Variants in SOBP observed in about 807,000 individuals in gnomAD.
SOBP encodes sine oculis binding protein homolog.
In SOBP, 4 loss-of-function variants were observed where a neutral mutation model predicts 53.6. The observed-to-expected ratio is 0.07, with a 90% confidence interval of 0.04 to 0.17. The LOEUF (loss-of-function observed/expected upper bound fraction) is 0.17. Among genes scored for constraint, SOBP ranks in the 10% least tolerant of loss-of-function variants. The pLI, the probability that SOBP is intolerant of heterozygous loss-of-function variation, is 1.00. For synonymous variants in SOBP, 584 were observed against 522.6 expected (o/e 1.12, Z -1.60); for missense variants, 1,088 against 1,204.7 (o/e 0.90, Z 1.43).
intron 5 of SOBP, among the ~76,000 whole-genome samples, chr6:107,614,723 C>G (rs1786718230): frequency 6.6e-6 from 1 of 152,280 alleles, no homozygotes; most frequent in South Asian, 2.1e-4. Flanking sequence ...ACCCCTGGTG[C>G]CAGTGATCTA....
intron 5 of SOBP, among the ~76,000 whole-genome samples, chr6:107,627,068 A>G (rs1042462826): frequency 5.3e-5 from 8 of 152,190 alleles, no homozygotes; most frequent in South Asian, 2.1e-4. Context: ...TTTTTGATGT[A>G]CGATTGAATT....
At chr6:107,627,229 T>A (rs144818549) in intron 5 of SOBP, among the ~76,000 whole-genome samples, 178 of 152,310 alleles carry the variant, frequency 1.2e-3, no homozygotes, top group African/African-American at 3.9e-3. Context: ...CTGAATCATG[T>A]GTTTGGCTGT....
chr6:107,579,545 G>C (rs1371356904), intron 4 of SOBP, among the ~76,000 whole-genome samples: 1 of 152,174 alleles, frequency 6.6e-6, no homozygotes, highest in Non-Finnish European at 1.5e-5. Context: ...TCATGTGGAA[G>C]CTGTATTTCA....
chr6:107,503,725 T>C lies in SOBP; in HGVS notation c.165T>C (p.Asp55=). 5.0e-6 allele frequency: 8 copies of C among 1,614,160 alleles called. No homozygotes were observed. Among genetic ancestry groups the C allele is most frequent in the Non-Finnish European group, 6.8e-6 (8 of 1,180,006 alleles). Residue 55 remains aspartate, a synonymous_variant, in exon 2 of 7, where the codon GAT becomes GAC. Coordinates refer to ENST00000317357, the MANE Select transcript of SOBP (RefSeq NM_018013.4). ...GCTATGATAAGGTTGAATTAAAAGATGGTGAGGATATTGAATTCAGGAGCT... is the reference window on the plus strand; with the variant it reads ...GCTATGATAAGGTTGAATTAAAAGACGGTGAGGATATTGAATTCAGGAGCT... ...WYGYDKVELK[D]GEDIEFRSYP...
Position 107,660,142 on chromosome 6 carries a change from T to G in SOBP, c.*1939T>G, listed in dbSNP as rs1045086220. 6.6e-6 allele frequency: 1 copy of G among 152,626 alleles called. No individual in the cohort carries two copies. Among genetic ancestry groups the G allele is most frequent in the Non-Finnish European group, 1.5e-5 (1 of 68,044 alleles). The allele number at this position is 152,626 out of a possible 1,614,324, so 9.5% of individuals were successfully genotyped here. On this transcript the variant is annotated 3_prime_UTR_variant, in exon 7 of 7. Transcript: ENST00000317357. ...TAAATCTCGAAGAAAAAAAATGCAC[T>G]TACATGTGCTTATTTGGCTTTTCTC... is the stretch of plus-strand genomic sequence containing the variant.
At chr6:107,503,923 C>A in intron 2 of SOBP, 128 bp downstream of exon 2, 1 of 1,140,730 alleles carries the variant, frequency 8.8e-7, no homozygotes, top group Non-Finnish European at 1.3e-6. Flanking sequence ...TTTAAACATA[C>A]ATCCCCAATA....
chr6:107,542,803 AG>A (rs1280954917), intron 4 of SOBP, among the ~76,000 whole-genome samples: 2 of 151,844 alleles, frequency 1.3e-5, no homozygotes, highest in African/African-American at 4.8e-5. Flanking sequence ...GAAAGGCACC[AG>A]GGAGGGATGC....
chr6:107,503,874 A>G (rs867680594), intron 2 of SOBP, 79 bp downstream of exon 2: 72 of 1,557,944 alleles, frequency 4.6e-5, no homozygotes, highest in Middle Eastern at 3.3e-4. Context: ...TTGCTTTGGG[A>G]CTCAATTGAG....
At chr6:107,527,456 A>G (rs750136402) in intron 3 of SOBP, among the ~76,000 whole-genome samples, 1 of 152,170 alleles carries the variant, frequency 6.6e-6, no homozygotes, top group Non-Finnish European at 1.5e-5. Flanking sequence ...ACAGGAGGGG[A>G]TGTGATTGGA....
intron 3 of SOBP, among the ~76,000 whole-genome samples, chr6:107,516,670 C>T (rs1200794282): frequency 2.0e-5 from 3 of 152,114 alleles, no homozygotes. Flanking sequence ...CTCAATTTAT[C>T]AAAGTCTCTA....
intron 1 of SOBP, among the ~76,000 whole-genome samples, chr6:107,491,925 G>C (rs1472909207): frequency 6.6e-6 from 1 of 152,216 alleles, no homozygotes. Context: ...ACGCTTAGCA[G>C]GGGACGCATG....
At chr6:107,546,311 G>A (rs1167657931) in intron 4 of SOBP, among the ~76,000 whole-genome samples, 1 of 152,144 alleles carries the variant, frequency 6.6e-6, no homozygotes, top group Non-Finnish European at 1.5e-5. Context: ...AGGATTTTTT[G>A]CAACTTAAAC....
intron 4 of SOBP, among the ~76,000 whole-genome samples, chr6:107,543,314 C>T: frequency 6.6e-6 from 1 of 152,190 alleles, no homozygotes; most frequent in African/African-American, 2.4e-5. Context: ...GGGACAGCTG[C>T]TAGCAGCAAT....
At chr6:107,582,050 G>A (rs1785420159) in intron 4 of SOBP, among the ~76,000 whole-genome samples, 1 of 152,216 alleles carries the variant, frequency 6.6e-6, no homozygotes, top group African/African-American at 2.4e-5. Context: ...TGACACAGAA[G>A]TGTAAACTCC....
Position 107,617,869 on chromosome 6 carries a change from A to G in SOBP, c.670-15645A>G, listed in dbSNP as rs1472306642. On this transcript the variant is annotated intron_variant, in intron 5 of 6. Coordinates refer to ENST00000317357, the MANE Select transcript of SOBP (RefSeq NM_018013.4). ...TTCTGAGACGGAGTCTCTCTGTCGC[A>G]CAGGCTGGAGTGCAGTGGCACGATC... is the stretch of plus-strand genomic sequence containing the variant. Among the ~76,000 whole-genome samples the G allele has an allele frequency of 3.1e-5, 4 of 128,878 alleles. No individual in the cohort carries two copies. In the Admixed American group the frequency reaches 3.9e-4, roughly 13 times the overall value. 84.5% of individuals were successfully genotyped at this position (128,878 alleles called of 152,430 possible). A position where few individuals can be genotyped will look rare whatever the true frequency, so the allele number is the denominator to read the frequency against.
chr6:107,597,274 T>C (rs978287079), intron 5 of SOBP, among the ~76,000 whole-genome samples: 4 of 152,228 alleles, frequency 2.6e-5, no homozygotes, highest in Non-Finnish European at 5.9e-5. Context: ...CAATCAGTGA[T>C]GCTTTTAAGT....
intron 5 of SOBP, among the ~76,000 whole-genome samples, chr6:107,606,654 G>A (rs1011346208): frequency 1.3e-5 from 2 of 152,160 alleles, no homozygotes; most frequent in African/African-American, 2.4e-5. Context: ...TTTAATCCCC[G>A]GAAGGAAAAG....
At chr6:107,565,746 C>G (rs73516962) in intron 4 of SOBP, among the ~76,000 whole-genome samples, 10,238 of 152,164 alleles carry the variant, frequency 0.067, 801 homozygotes, top group African/African-American at 0.19. Flanking sequence ...TCAAAATGAA[C>G]CTAAAAGTCA....
At chr6:107,514,094 T>C (rs566788034) in intron 3 of SOBP, 8 of 152,734 alleles carry the variant, frequency 5.2e-5, no homozygotes, top group African/African-American at 1.9e-4. Flanking sequence ...TCCAAAACAC[T>C]ATGGCAGTAT....
Sources: gnomAD v4.1 joint callset for allele counts (sites outside exome capture counted in the v4.1 genomes callset) on GRCh38, gnomAD v4.1.1 for gene constraint, MANE v1.5 for transcripts, NCBI Gene and HGNC (gene_info 2026-07-23, HGNC 2026-07-21) for gene names.